NPAS3: variants seen among roughly 807,000 people sequenced by gnomAD.
NPAS3 encodes the protein neuronal PAS domain-containing protein 3.
A neutral mutation model predicts 73.1 loss-of-function variants in NPAS3; 14 were observed. That is an observed-to-expected ratio of 0.19 (90% CI 0.13 to 0.30). NPAS3 has a LOEUF of 0.30. Ranked by LOEUF, NPAS3 falls within the 10% of genes least tolerant of loss-of-function variation. The probability of loss-of-function intolerance (pLI) is 1.00; values close to 1 mark genes in which losing one functional copy is unlikely to be tolerated. For missense variants in NPAS3, 1,096 were observed against 1,250.0 expected, an observed-to-expected ratio of 0.88 and a Z score of 1.86; for synonymous variants, 620 against 541.5, an observed-to-expected ratio of 1.14 and a Z score of -2.01.
rs548202518 is a variant in NPAS3 at position 32,966,854 on chromosome 14, T to C, written c.50+27488T>C. On this transcript the variant is annotated intron_variant, in intron 1 of 11. Transcript: ENST00000356141. ...AGCGTAGGGGAAACACTTCATGACATTGGCCTGAACAAGGATTTTTTTGAA... is the reference window on the plus strand; with the variant it reads ...AGCGTAGGGGAAACACTTCATGACACTGGCCTGAACAAGGATTTTTTTGAA... Among the ~76,000 whole-genome samples, 3 of 151,878 alleles carry C rather than the reference T, an allele frequency of 2.0e-5. No individual in the cohort carries two copies. The South Asian group carries it at 6.2e-4, about 32-fold the overall frequency.
At chr14:33,671,616 TTTA>T (rs2059612187) in intron 5 of NPAS3, among the ~76,000 whole-genome samples, 1 of 150,268 alleles carries the variant, frequency 6.7e-6, no homozygotes, top group South Asian at 2.1e-4. Flanking sequence ...GATGTGATTA[TTTA>T]TTACTTGTTG....
At chr14:33,462,890 G>A (rs2050336968) in intron 4 of NPAS3, among the ~76,000 whole-genome samples, 2 of 152,192 alleles carry the variant, frequency 1.3e-5, no homozygotes, top group African/African-American at 4.8e-5. Context: ...TGATAAAAGG[G>A]TGAGGATAAA....
chr14:33,801,125 G>C (rs758714180), downstream of NPAS3: 17 of 1,563,318 alleles, frequency 1.1e-5, no homozygotes, highest in East Asian at 3.6e-4. Flanking sequence ...CGCCCGTCCT[G>C]GGCCCGGCCA....
intron 5 of NPAS3, among the ~76,000 whole-genome samples, chr14:33,628,965 C>T (rs555426558): frequency 4.6e-5 from 7 of 151,962 alleles, no homozygotes; most frequent in Admixed American, 2.6e-4. Flanking sequence ...GGCGCAGTGG[C>T]TCACGCCTGT....
At chr14:33,112,763 T>A (rs1299182397) in intron 2 of NPAS3, among the ~76,000 whole-genome samples, 4 of 152,334 alleles carry the variant, frequency 2.6e-5, no homozygotes, top group African/African-American at 7.2e-5. Flanking sequence ...CTGAATGGTA[T>A]TGCCTATGTT....
chr14:33,174,986 T>A (rs985206180), intron 2 of NPAS3, among the ~76,000 whole-genome samples: 1 of 152,222 alleles, frequency 6.6e-6, no homozygotes, highest in Non-Finnish European at 1.5e-5. Context: ...TAGGTTGATA[T>A]GAAAAAGGAA....
chr14:33,091,835 G>C (rs1168600090), intron 2 of NPAS3, among the ~76,000 whole-genome samples: 1 of 152,094 alleles, frequency 6.6e-6, no homozygotes, highest in Non-Finnish European at 1.5e-5. Flanking sequence ...ATCAATAAAT[G>C]TAATCCAGCA....
chr14:33,688,498 C>G (rs924837286), intron 6 of NPAS3, among the ~76,000 whole-genome samples: 6 of 152,176 alleles, frequency 3.9e-5, no homozygotes, highest in African/African-American at 1.4e-4. Context: ...CCATGCCACT[C>G]TCTTCTTTCA....
intron 7 of NPAS3, among the ~76,000 whole-genome samples, chr14:33,773,689 C>T (rs2062724975): frequency 6.6e-6 from 1 of 152,156 alleles, no homozygotes; most frequent in Admixed American, 6.5e-5. Flanking sequence ...GTCTTCCTGA[C>T]CCTACTTTAG....
At chr14:33,000,686 GATAAA>G (rs1428408322) in intron 1 of NPAS3, among the ~76,000 whole-genome samples, 1 of 152,206 alleles carries the variant, frequency 6.6e-6, no homozygotes, top group Non-Finnish European at 1.5e-5. Context: ...CATGATAACA[GATAAA>G]ATAAACATAA....
chr14:32,948,771 C>G (rs2036367629), intron 1 of NPAS3, among the ~76,000 whole-genome samples: 1 of 152,088 alleles, frequency 6.6e-6, no homozygotes, highest in Non-Finnish European at 1.5e-5. Flanking sequence ...CACTCTCCTA[C>G]CAGCCCCTCT....
intron 5 of NPAS3, among the ~76,000 whole-genome samples, chr14:33,574,736 A>G (rs1318253689): frequency 1.3e-5 from 2 of 152,194 alleles, no homozygotes; most frequent in Non-Finnish European, 1.5e-5. Context: ...CATTGAACCC[A>G]GGTCTCAGAA....
At chr14:33,132,640 G>A (rs2043684799) in intron 2 of NPAS3, among the ~76,000 whole-genome samples, 1 of 151,962 alleles carries the variant, frequency 6.6e-6, no homozygotes. Flanking sequence ...AGGGGAAAGA[G>A]CCTTAGAAAC....
intron 5 of NPAS3, among the ~76,000 whole-genome samples, chr14:33,608,016 T>G (rs2057632347): frequency 6.6e-6 from 1 of 152,154 alleles, no homozygotes; most frequent in South Asian, 2.1e-4. Flanking sequence ...GTGAGGATGA[T>G]GAGGAACTAC....
chr14:33,102,054 G>A (rs1427525320), intron 2 of NPAS3, among the ~76,000 whole-genome samples: 1 of 152,078 alleles, frequency 6.6e-6, no homozygotes, highest in Non-Finnish European at 1.5e-5. Context: ...ACAGACCTCT[G>A]TTCCCACTAC....
At chr14:33,050,016 G>T (rs1458840873) in intron 1 of NPAS3, among the ~76,000 whole-genome samples, 1 of 152,148 alleles carries the variant, frequency 6.6e-6, no homozygotes, top group African/African-American at 2.4e-5. Context: ...AGCAGAAACT[G>T]CAGGAATATT....
chr14:33,048,859 G>A (rs1203158720), intron 1 of NPAS3, among the ~76,000 whole-genome samples: 1 of 152,202 alleles, frequency 6.6e-6, no homozygotes, highest in African/African-American at 2.4e-5. Flanking sequence ...TACGCTTGCT[G>A]CCATTTGCTA....
At chr14:33,460,792 A>G (rs1227387429) in intron 4 of NPAS3, among the ~76,000 whole-genome samples, 1 of 152,220 alleles carries the variant, frequency 6.6e-6, no homozygotes, top group South Asian at 2.1e-4. Flanking sequence ...CAGCAAGGAA[A>G]GCACACAAAC....
intron 7 of NPAS3, among the ~76,000 whole-genome samples, chr14:33,757,651 A>C (rs2062156904): frequency 6.6e-6 from 1 of 152,242 alleles, no homozygotes; most frequent in African/African-American, 2.4e-5. Context: ...TATACCAAGA[A>C]GTAAGAAAAC....
Sources: gnomAD v4.1 joint callset for allele counts (sites outside exome capture counted in the v4.1 genomes callset) on GRCh38, gnomAD v4.1.1 for gene constraint, MANE v1.5 for transcripts, NCBI Gene and HGNC (gene_info 2026-07-23, HGNC 2026-07-21) for gene names.